The following CCDC197 variants were observed in gnomAD, a reference collection of about 807,000 sequenced individuals.
CCDC197 encodes the protein uncharacterized protein CCDC197.
CCDC197 carries 24 observed loss-of-function variants against 13.4 expected under a neutral mutation model. That is an observed-to-expected ratio of 1.80 (90% confidence interval 1.30 to 2.53). The LOEUF (loss-of-function observed/expected upper bound fraction) is 2.53, where lower values mean the gene tolerates loss of function less well. Ranked by LOEUF, CCDC197 falls within the 30% of genes most tolerant of loss-of-function variation. The probability of loss-of-function intolerance (pLI) is 0.00; values close to 1 mark genes in which losing one functional copy is unlikely to be tolerated. For missense variants in CCDC197, 255 were observed against 148.8 expected (o/e 1.71, Z -3.71); for synonymous variants, 99 against 55.5 (o/e 1.78, Z -3.48).
upstream of CCDC197, among the ~76,000 whole-genome samples, chr14:93,994,200 G>T (rs140170984): frequency 6.6e-6 from 1 of 152,302 alleles, no homozygotes; most frequent in East Asian, 1.9e-4. Context: ...ATCTGTACTC[G>T]CAAGAGTCCA....
chr14:93,990,764 A>G (rs1284721206), intron 1 of CCDC197, among the ~76,000 whole-genome samples: 3 of 152,216 alleles, frequency 2.0e-5, no homozygotes, highest in African/African-American at 7.2e-5. Context: ...GGGCAGAAAA[A>G]GGCCACAGAT....
At chr14:94,000,355 G>A (rs980873120) in intron 3 of CCDC197, among the ~76,000 whole-genome samples, 4 of 152,130 alleles carry the variant, frequency 2.6e-5, no homozygotes, top group Non-Finnish European at 4.4e-5. Flanking sequence ...TGGTGGCACT[G>A]GGCTCAGACT....
rs894485171 is a variant in CCDC197 at position 94,003,974 on chromosome 14, T to A, written c.498+620T>A. Among the ~76,000 whole-genome samples, 7 of 152,216 alleles carry A rather than the reference T, an allele frequency of 4.6e-5. No homozygotes were observed. The highest frequency in any genetic ancestry group is 1.0e-4 in the Non-Finnish European group (7 of 68,034). On this transcript the variant is annotated intron_variant, in intron 5 of 6. Transcript: ENST00000636493. This position sits in a 1 kb window ranked among gnomAD's most constrained non-coding sequence, Gnocchi z 5.0. Reference sequence around the variant, plus strand: ...TTAAGTGAGTGGTTGTTATGTACTGTCTTCAGTAAGGCTGGTGTCTCTCTG... The same window carrying A: ...TTAAGTGAGTGGTTGTTATGTACTGACTTCAGTAAGGCTGGTGTCTCTCTG...
At chr14:93,995,265 C>T (rs1167941976), upstream of CCDC197, among the ~76,000 whole-genome samples, 1 of 152,188 alleles carries the variant, frequency 6.6e-6, no homozygotes, top group Non-Finnish European at 1.5e-5. Flanking sequence ...CGGCTCTCAC[C>T]CTGTGACTCC....
downstream of CCDC197, among the ~76,000 whole-genome samples, chr14:94,011,559 T>C (rs1890807947): frequency 6.6e-6 from 1 of 152,250 alleles, no homozygotes; most frequent in African/African-American, 2.4e-5. Context: ...CTTTCTTGGC[T>C]TTTTGTCTTA....
chr14:93,995,756 C>T (rs1453072187), upstream of CCDC197, among the ~76,000 whole-genome samples: 5 of 152,158 alleles, frequency 3.3e-5, no homozygotes, highest in African/African-American at 1.2e-4. Flanking sequence ...CCAGGGCTGC[C>T]CTGAGCCCCT....
intron 6 of CCDC197, among the ~76,000 whole-genome samples, chr14:94,008,048 A>G (rs1890735798): frequency 6.6e-6 from 1 of 152,244 alleles, no homozygotes; most frequent in South Asian, 2.1e-4. Flanking sequence ...TTTCTGAGTA[A>G]GGACATGTTT....
At chr14:94,008,222 A>C (rs761060602) in intron 6 of CCDC197, among the ~76,000 whole-genome samples, 3 of 152,244 alleles carry the variant, frequency 2.0e-5, no homozygotes, top group Non-Finnish European at 4.4e-5. Flanking sequence ...TATGCTCAGC[A>C]TTCTGCTAGG....
upstream of CCDC197, among the ~76,000 whole-genome samples, chr14:93,996,269 A>G (rs1452652308): frequency 1.3e-5 from 2 of 148,994 alleles, no homozygotes; most frequent in Admixed American, 1.3e-4. Flanking sequence ...GTCGGTGCTC[A>G]GCACATAAGC....
At position 94,003,150 on chromosome 14, in the gene CCDC197, C is replaced by T. The variant is rs1890577607; in HGVS notation, c.367-73C>T. ...CCTATCCTGTCATTGCACAGACCAC[C>T]CTGGGGACTCAGACCAGGGCATATG... On this transcript the variant is annotated intron_variant, in intron 4 of 6. Coordinates refer to ENST00000636493, the MANE Select transcript of CCDC197 (RefSeq NM_001351596.2). The surrounding 1 kb of genome is among the most constrained non-coding windows in gnomAD (Gnocchi z 5.0). 9.6e-6 allele frequency: 7 copies of T among 725,806 alleles called. No homozygotes were observed. The highest frequency in any genetic ancestry group is 1.5e-5 in the South Asian group (1 of 65,898). 45.0% of individuals were successfully genotyped at this position (725,806 alleles called of 1,614,324 possible).
chr14:94,007,168 C>T (rs1460642795), intron 6 of CCDC197: 1 of 152,168 alleles, frequency 6.6e-6, no homozygotes, highest in Admixed American at 6.5e-5. Context: ...TGTATTTGTC[C>T]TTTAGGAGTC....
At chr14:93,993,565 G>A (rs748616580), upstream of CCDC197, among the ~76,000 whole-genome samples, 26 of 152,218 alleles carry the variant, frequency 1.7e-4, no homozygotes, top group Admixed American at 1.1e-3. Context: ...CATCCTGAGC[G>A]TCAATGGCTG....
chr14:93,993,982 G>T (rs1211011184), upstream of CCDC197, among the ~76,000 whole-genome samples: 1 of 152,134 alleles, frequency 6.6e-6, no homozygotes, highest in South Asian at 2.1e-4. Flanking sequence ...CCATGTAAGT[G>T]CTTGAGTCTT....
Position 94,008,735 on chromosome 14 carries a change from T to C in CCDC197, c.742T>C (p.Cys248Arg), listed in dbSNP as rs1207072478. The C allele has an allele frequency of 1.4e-6, 1 of 702,646 alleles. No homozygotes were observed. The highest frequency in any genetic ancestry group is 2.7e-5 in the East Asian group (1 of 37,292). 43.5% of individuals were successfully genotyped at this position (702,646 alleles called of 1,614,324 possible). The change falls in exon 7 of 7, where the codon TGT becomes CGT. Residue 248 changes from cysteine to arginine, a missense_variant. Transcript: ENST00000636493. Reference sequence around the variant, plus strand: ...AAGACACCCCAAACCCTTCAGGAAATGTCCAAGGAGGCGGGTTTCCACCCC... The same window carrying C: ...AAGACACCCCAAACCCTTCAGGAAACGTCCAAGGAGGCGGGTTTCCACCCC... Reference protein sequence around the residue: ...LRRHPKPFRKCPRRRVSTPRT... With the variant: ...LRRHPKPFRKRPRRRVSTPRT...
chr14:94,009,035 G>T (rs1890765107), downstream of CCDC197, among the ~76,000 whole-genome samples: 1 of 152,212 alleles, frequency 6.6e-6, no homozygotes, highest in African/African-American at 2.4e-5. Context: ...AGAGAGGCAG[G>T]TTCCCGAGTT....
At chr14:94,000,510 G>A (rs1487024589) in intron 3 of CCDC197, among the ~76,000 whole-genome samples, 2 of 152,176 alleles carry the variant, frequency 1.3e-5, no homozygotes, top group African/African-American at 4.8e-5. Flanking sequence ...CAGCAAAGGA[G>A]AATGACCCTC....
intron 4 of CCDC197, among the ~76,000 whole-genome samples, chr14:94,002,269 T>G (rs1253314759): frequency 3.3e-5 from 5 of 152,014 alleles, no homozygotes; most frequent in Admixed American, 3.3e-4. Context: ...GCCCCCTCTC[T>G]CTCTTTCTTT....
intron 2 of CCDC197, 30 bp downstream of exon 2, chr14:93,998,265 C>A (rs764270634): frequency 5.2e-6 from 4 of 767,712 alleles, no homozygotes; most frequent in Non-Finnish European, 9.7e-6. Flanking sequence ...TGCCCCAGCC[C>A]CAGCCCCAGT....
Position 94,008,861 on chromosome 14 carries a change from G to A in CCDC197, c.*49G>A, listed in dbSNP as rs909484473. The A allele has an allele frequency of 3.6e-5, 24 of 665,270 alleles. No homozygotes were observed. Among genetic ancestry groups the A allele is most frequent in the Admixed American group, 1.5e-4 (7 of 47,264 alleles). The allele number at this position is 665,270 out of a possible 1,614,324, so 41.2% of individuals were successfully genotyped here. ...ATGGCATCACGACCTCTCCTTACCTGCCTGCCTCCTTTTCTCACCACCAAC... is the reference window on the plus strand; with the variant it reads ...ATGGCATCACGACCTCTCCTTACCTACCTGCCTCCTTTTCTCACCACCAAC... On this transcript the variant is annotated 3_prime_UTR_variant, in exon 7 of 7. Coordinates refer to ENST00000636493, the MANE Select transcript of CCDC197 (RefSeq NM_001351596.2).
Sources: gnomAD v4.1 joint callset for allele counts (sites outside exome capture counted in the v4.1 genomes callset) on GRCh38, gnomAD v4.1.1 for gene constraint, Gnocchi (gnomAD v3.1) non-coding constraint, MANE v1.5 for transcripts, NCBI Gene and HGNC (gene_info 2026-07-23, HGNC 2026-07-21) for gene names.